The following ADGRL2 variants were observed in gnomAD, a reference collection of about 807,000 sequenced individuals.
ADGRL2 encodes the protein adhesion G protein-coupled receptor L2.
In ADGRL2, 44 loss-of-function variants were observed where a neutral mutation model predicts 157.4. The observed-to-expected ratio is 0.28, with a 90% confidence interval of 0.22 to 0.36. ADGRL2 has a LOEUF of 0.36. Among genes scored for constraint, ADGRL2 ranks in the 10% least tolerant of loss-of-function variants. ADGRL2 has a pLI of 1.00. For missense variants in ADGRL2, 1,510 were observed against 1,768.9 expected (o/e 0.85, Z 2.63); for synonymous variants, 585 against 624.7 (o/e 0.94, Z 0.95).
intron 2 of ADGRL2, among the ~76,000 whole-genome samples, chr1:81,872,155 A>G (rs2093714061): frequency 1.3e-5 from 2 of 152,182 alleles, no homozygotes. Flanking sequence ...ACATATGGCT[A>G]GCCAGTTTTC....
chr1:81,953,126 T>A, intron 10 of ADGRL2, 101 bp downstream of exon 10: 1 of 958,254 alleles, frequency 1.0e-6, no homozygotes, highest in Non-Finnish European at 1.7e-6. Context: ...TCTTTGATAA[T>A]TATATAATGT....
At chr1:81,949,769 A>G (rs1027234822) in intron 6 of ADGRL2, among the ~76,000 whole-genome samples, 1 of 152,226 alleles carries the variant, frequency 6.6e-6, no homozygotes, top group South Asian at 2.1e-4. Flanking sequence ...ATTACATATA[A>G]TCATCACAGT....
chr1:81,343,333 C>G (rs913594775), intron 1 of ADGRL2, among the ~76,000 whole-genome samples: 1 of 151,988 alleles, frequency 6.6e-6, no homozygotes, highest in Non-Finnish European at 1.5e-5. Flanking sequence ...CAAGCAATCC[C>G]CCTACCTCAG....
chr1:81,441,801 G>A (rs2077512516), intron 1 of ADGRL2, among the ~76,000 whole-genome samples: 1 of 152,142 alleles, frequency 6.6e-6, no homozygotes, highest in Admixed American at 6.5e-5. Flanking sequence ...GCTTCCCAAA[G>A]TGCTGGGATT....
intron 2 of ADGRL2, among the ~76,000 whole-genome samples, chr1:81,874,667 G>GTCCTC (rs1400105424): frequency 6.6e-6 from 1 of 150,678 alleles, no homozygotes; most frequent in African/African-American, 2.4e-5. Flanking sequence ...GTCCTGTCCT[G>GTCCTC]TCCTGTCATG....
intron 2 of ADGRL2, among the ~76,000 whole-genome samples, chr1:81,477,814 C>T (rs1477420894): frequency 1.3e-5 from 2 of 152,146 alleles, no homozygotes; most frequent in Non-Finnish European, 2.9e-5. Context: ...AGTGATTCAG[C>T]TGCTTCAGGT....
chr1:81,929,531 A>G lies in ADGRL2; in HGVS notation c.288-7197A>G, dbSNP rs184549544. Among the ~76,000 whole-genome samples, 341 of 152,280 alleles carry G rather than the reference A, an allele frequency of 2.2e-3. 1 individual carries two copies. Among genetic ancestry groups the G allele is most frequent in the Non-Finnish European group, 1.9e-3 (128 of 68,030 alleles). On this transcript the variant is annotated intron_variant, in intron 3 of 23. Coordinates refer to ENST00000686636, the MANE Select transcript of ADGRL2 (RefSeq NM_001366006.2). ...ACTATTGATTAAAACACCTCTCACA[A>G]TAGATTACACATGGAATCTCGTCTC... is the stretch of plus-strand genomic sequence containing the variant.
chr1:81,382,543 C>A (rs2076361662), intron 1 of ADGRL2, among the ~76,000 whole-genome samples: 1 of 151,924 alleles, frequency 6.6e-6, no homozygotes, highest in Admixed American at 6.6e-5. Context: ...TTAAAAGCAA[C>A]TTTAACATTT....
At chr1:81,486,093 T>C (rs547131853) in intron 2 of ADGRL2, among the ~76,000 whole-genome samples, 28 of 152,314 alleles carry the variant, frequency 1.8e-4, no homozygotes, top group Admixed American at 9.8e-4. Flanking sequence ...GAAGGGATTG[T>C]AATTTGTAAG....
intron 1 of ADGRL2, among the ~76,000 whole-genome samples, chr1:81,328,009 C>T (rs1336055071): frequency 6.6e-6 from 1 of 152,140 alleles, no homozygotes; most frequent in Non-Finnish European, 1.5e-5. Flanking sequence ...AAACAACCTG[C>T]AGGCCTTTGA....
intron 2 of ADGRL2, chr1:81,502,963 C>T: frequency 6.2e-7 from 1 of 1,612,954 alleles, no homozygotes; most frequent in Non-Finnish European, 8.5e-7. Flanking sequence ...TGATGGAGCC[C>T]CAGTGACAAC....
chr1:81,707,253 G>T (rs2083767414), intron 1 of ADGRL2, among the ~76,000 whole-genome samples: 1 of 152,090 alleles, frequency 6.6e-6, no homozygotes. Flanking sequence ...GATGACTAAG[G>T]CCATAAATCA....
chr1:81,475,276 T>A (rs2078249810), intron 2 of ADGRL2, among the ~76,000 whole-genome samples: 1 of 152,204 alleles, frequency 6.6e-6, no homozygotes, highest in Non-Finnish European at 1.5e-5. Flanking sequence ...TTATTTTATC[T>A]GAGTATGTGA....
intron 2 of ADGRL2, among the ~76,000 whole-genome samples, chr1:81,518,807 A>T (rs1353439917): frequency 6.6e-6 from 1 of 152,084 alleles, no homozygotes. Flanking sequence ...CAAAAAAAAA[A>T]AAAAAGGTAT....
intron 2 of ADGRL2, among the ~76,000 whole-genome samples, chr1:81,564,207 G>C (rs1018183134): frequency 6.6e-6 from 1 of 152,166 alleles, no homozygotes; most frequent in Non-Finnish European, 1.5e-5. Context: ...CTCTGTTAAA[G>C]TCAATGTACT....
intron 3 of ADGRL2, among the ~76,000 whole-genome samples, chr1:81,598,098 T>C (rs534880503): frequency 1.2e-4 from 18 of 152,324 alleles, no homozygotes; most frequent in Admixed American, 8.5e-4. Flanking sequence ...AAACTGAGCA[T>C]ATTCTCAGAG....
chr1:81,590,359 G>A (rs879608834), intron 3 of ADGRL2, among the ~76,000 whole-genome samples: 4 of 151,986 alleles, frequency 2.6e-5, no homozygotes, highest in Admixed American at 2.6e-4. Context: ...CTTTCACATA[G>A]TAACCATTTC....
At chr1:81,430,775 A>G (rs550472061) in intron 1 of ADGRL2, among the ~76,000 whole-genome samples, 1 of 152,360 alleles carries the variant, frequency 6.6e-6, no homozygotes, top group African/African-American at 2.4e-5. Flanking sequence ...TTCATGAAAT[A>G]CAAACTCTGT....
chr1:81,484,844 A>G (rs1281322980), intron 2 of ADGRL2, among the ~76,000 whole-genome samples: 1 of 152,170 alleles, frequency 6.6e-6, no homozygotes, highest in Non-Finnish European at 1.5e-5. Context: ...TACATACCTC[A>G]GGTACCCTTC....
Sources: allele counts gnomAD v4.1 joint callset (sites outside exome capture counted in the v4.1 genomes callset), GRCh38; gene constraint gnomAD v4.1.1; transcripts MANE v1.5; gene names NCBI Gene and HGNC (gene_info 2026-07-23, HGNC 2026-07-21).